SYNPO2L: variants seen among roughly 807,000 people sequenced by gnomAD.
The protein encoded by SYNPO2L is synaptopodin 2 like, also known as synaptopodin 2-like protein.
In SYNPO2L, 34 loss-of-function variants were observed where a neutral mutation model predicts 47.5. The observed-to-expected ratio is 0.72, with a 90% CI of 0.54 to 0.95. The LOEUF (loss-of-function observed/expected upper bound fraction) is 0.95, where lower values mean the gene tolerates loss of function less well. Ranked by LOEUF, SYNPO2L falls within the 40% of genes least tolerant of loss-of-function variation. The pLI, the probability that SYNPO2L is intolerant of heterozygous loss-of-function variation, is 0.00. For missense variants in SYNPO2L, 1,246 were observed against 1,282.0 expected (o/e 0.97, Z 0.43); for synonymous variants, 536 against 524.9 (o/e 1.02, Z -0.29).
intron 3 of SYNPO2L, chr10:73,650,055 A>G: frequency 1.0e-6 from 1 of 985,370 alleles, no homozygotes; most frequent in South Asian, 4.7e-5. Flanking sequence ...AGGGCTTTCC[A>G]TGCCATGTGG....
chr10:73,652,483 G>A (rs11000731), intron 3 of SYNPO2L, among the ~76,000 whole-genome samples: 18,270 of 151,778 alleles, frequency 0.12, 2,525 homozygotes, highest in African/African-American at 0.32. Context: ...AGCCTGACCA[G>A]TATGGTGAAA....
rs2081771843 is a variant in SYNPO2L, at chr10:73,647,425, C to A, written c.2227G>T (p.Ala743Ser). ...GGCTCAGGGATTCCAGCCGAAGAGG[C>A]TGCCCCATTCACGAGCCCATCAAGG... ...GLLDGLVNGAASSAGIPEPPR... is the reference protein window; with the variant it reads ...GLLDGLVNGASSSAGIPEPPR... Residue 743 changes from alanine to serine, a missense_variant, in exon 4 of 4, where the codon GCC becomes TCC. Transcript: ENST00000394810. 1 of 1,611,012 alleles carries A rather than the reference C, an allele frequency of 6.2e-7. No individual in the cohort carries two copies. The highest frequency in any genetic ancestry group is 8.5e-7 in the Non-Finnish European group (1 of 1,177,774).
intron 1 of SYNPO2L, 128 bp downstream of exon 1, chr10:73,655,690 G>GCCCCCCCCCCCCCCCCCCCTC: frequency 3.7e-6 from 1 of 271,704 alleles, no homozygotes; most frequent in Non-Finnish European, 7.4e-6. Context: ...ATACTTCCCT[G>GCCCCCCCCCCCCCCCCCCCTC]CCCACCACCC....
chr10:73,653,559 GA>G lies in SYNPO2L; in HGVS notation c.351del (p.Pro118GlnfsTer82). 1 of 1,552,146 alleles carries G rather than the reference GA, an allele frequency of 6.4e-7. No individual in the cohort carries two copies. Among genetic ancestry groups the G allele is most frequent in the South Asian group, 1.2e-5 (1 of 84,064 alleles). On this transcript the variant is annotated frameshift_variant, in exon 3 of 4. Coordinates refer to ENST00000394810, the MANE Select transcript of SYNPO2L (RefSeq NM_001114133.3). LOFTEE classifies it high-confidence loss of function. ...LSPLSPEPPGAPVPQPLQPGS... is the reference protein window; with the variant it reads ...LSPLSPEPPGXPVPQPLQPGS... ...CCAGGCTGAAGAGGCTGAGGAACTGGAGCACCAGGGGGCTCAGGACTTAGTG... is the reference window on the plus strand; with the variant it reads ...CCAGGCTGAAGAGGCTGAGGAACTGGGCACCAGGGGGCTCAGGACTTAGTG...
chr10:73,654,106 G>A, intron 2 of SYNPO2L, 23 bp downstream of exon 2: 3 of 1,546,622 alleles, frequency 1.9e-6, no homozygotes, highest in Non-Finnish European at 2.6e-6. Flanking sequence ...ATTAGGGGAA[G>A]AGAAGAGGAG....
rs1371397824 is a variant in SYNPO2L at position 73,645,626 on chromosome 10, G to A, written c.*1092C>T. 4.1e-6 allele frequency: 4 copies of A among 986,146 alleles called. No homozygotes were observed. Among genetic ancestry groups the A allele is most frequent in the Non-Finnish European group, 4.8e-6 (4 of 830,346 alleles). 61.1% of individuals were successfully genotyped at this position (986,146 alleles called of 1,614,324 possible). A position where few individuals can be genotyped will look rare whatever the true frequency, so the allele number is the denominator to read the frequency against. ...TCTTTGTTCTATTCCTGGTCTAGCT[G>A]GTATAACTCAGCCCATGCAAACTGT... On this transcript the variant is annotated 3_prime_UTR_variant, in exon 4 of 4. Transcript: ENST00000394810.
At position 73,647,607 on chromosome 10, in the gene SYNPO2L, T is replaced by G; in HGVS notation, c.2045A>C (p.Glu682Ala). The G allele has an allele frequency of 6.2e-7, 1 of 1,614,120 alleles. No individual in the cohort carries two copies. Among genetic ancestry groups the G allele is most frequent in the Non-Finnish European group, 8.5e-7 (1 of 1,180,008 alleles). ...PEEDALSLGAEACNFMQPVGA... is the reference protein window; with the variant it reads ...PEEDALSLGAAACNFMQPVGA... Reference sequence around the variant, plus strand: ...TACTGGCTGCATGAAGTTGCAGGCTTCAGCCCCGAGGCTCAGAGCATCTTC... The same window carrying G: ...TACTGGCTGCATGAAGTTGCAGGCTGCAGCCCCGAGGCTCAGAGCATCTTC... The change falls in exon 4 of 4, where the codon GAA becomes GCA. Residue 682 changes from glutamate to alanine, a missense_variant. By Grantham distance (107) the Glu-to-Ala change is moderately radical. Around this residue, in one of 3 missense-constraint regions of SYNPO2L, gnomAD observed 1,037 missense variants for 1,021.5 expected, o/e 1.02. Coordinates refer to ENST00000394810, the MANE Select transcript of SYNPO2L (RefSeq NM_001114133.3).
In SYNPO2L at chr10:73,644,912, ACAAAC is replaced by A. The variant is rs1344138731; in HGVS notation, c.*1801_*1805del. 2 of 955,700 alleles carry A rather than the reference ACAAAC, an allele frequency of 2.1e-6. No homozygotes were observed. The highest frequency in any genetic ancestry group is 9.6e-5 in the Admixed American group (2 of 20,916). 59.2% of individuals were successfully genotyped at this position (955,700 alleles called of 1,614,324 possible). On this transcript the variant is annotated 3_prime_UTR_variant, in exon 4 of 4. Transcript: ENST00000394810. ...ATGGGGCATAAATTTATTCTTGTGCACAAACCAAAGTATTGTGACTCACACCCAAC... is the reference window on the plus strand; with the variant it reads ...ATGGGGCATAAATTTATTCTTGTGCACAAAGTATTGTGACTCACACCCAAC...
In SYNPO2L at chr10:73,646,178, GCACACACACACACACACACACA is replaced by G. The variant is rs3219615; in HGVS notation, c.*518_*539del. 8 of 944,978 alleles carry G rather than the reference GCACACACACACACACACACACA, an allele frequency of 8.5e-6. No individual in the cohort carries two copies. Among genetic ancestry groups the G allele is most frequent in the Non-Finnish European group, 8.7e-6 (7 of 803,278 alleles). 58.5% of individuals were successfully genotyped at this position (944,978 alleles called of 1,614,324 possible). A position where few individuals can be genotyped will look rare whatever the true frequency, so the allele number is the denominator to read the frequency against. On this transcript the variant is annotated 3_prime_UTR_variant, in exon 4 of 4. Coordinates refer to ENST00000394810, the MANE Select transcript of SYNPO2L (RefSeq NM_001114133.3). ...TCTTATTCATGCCTTAGACGGAAGA[GCACACACACACACACACACACA>G]CACACACACACACACACAGGCCTAG...
chr10:73,646,571 T>C lies in SYNPO2L; in HGVS notation c.*147A>G. The C allele has an allele frequency of 7.7e-7, 1 of 1,297,204 alleles. No homozygotes were observed. The allele number at this position is 1,297,204 out of a possible 1,614,324, so 80.4% of individuals were successfully genotyped here. On this transcript the variant is annotated 3_prime_UTR_variant, in exon 4 of 4. Transcript: ENST00000394810. ...GGGAGGTAGAGAGTGAGGAGGAAGG[T>C]GGGGGAAGGGGACATCAACTTGGAA...
chr10:73,650,777 G>T lies in SYNPO2L; in HGVS notation c.773-1898C>A. 3.7e-6 allele frequency: 5 copies of T among 1,335,256 alleles called. No individual in the cohort carries two copies. In the South Asian group the frequency reaches 1.1e-4, roughly 30 times the overall value. 82.7% of individuals were successfully genotyped at this position (1,335,256 alleles called of 1,614,324 possible). ...GAAAGGGGCAGTGAAACTCTCCTGA[G>T]AAAAGGAGGAAGAGGACAGCAAAAA... On this transcript the variant is annotated intron_variant, in intron 3 of 3. Transcript: ENST00000394810.
chr10:73,645,357 T>C lies in SYNPO2L; in HGVS notation c.*1361A>G, dbSNP rs114598671. 7.7e-6 allele frequency: 8 copies of C among 1,044,652 alleles called. No individual in the cohort carries two copies. Among genetic ancestry groups the C allele is most frequent in the Non-Finnish European group, 9.2e-6 (8 of 867,454 alleles). 64.7% of individuals were successfully genotyped at this position (1,044,652 alleles called of 1,614,324 possible). ...TTTACCTTCTCCCAATATGGCATTG[T>C]CCCTCGCCACACTTCTGTCTGTGGC... On this transcript the variant is annotated 3_prime_UTR_variant, in exon 4 of 4. Coordinates refer to ENST00000394810, the MANE Select transcript of SYNPO2L (RefSeq NM_001114133.3).
Position 73,648,781 on chromosome 10 carries a change from G to T in SYNPO2L, c.871C>A (p.His291Asn), listed in dbSNP as rs200472636. ...TTAAACATAAGTACCCCTTTGGAGT[G>T]GGGGTTGGGGGCTGCAGTGAGCAGG... is the stretch of plus-strand genomic sequence containing the variant. ...ASLLTAAPNP[H>N]SKGVLMFKKR... The change falls in exon 4 of 4, where the codon CAC (histidine) becomes AAC (asparagine). Residue 291 changes from histidine (H) to asparagine (N), a missense_variant. By Grantham distance (68) the His-to-Asn change is moderately conservative. Transcript: ENST00000394810. 1 of 1,608,392 alleles carries T rather than the reference G, an allele frequency of 6.2e-7. No individual in the cohort carries two copies. The highest frequency in any genetic ancestry group is 8.5e-7 in the Non-Finnish European group (1 of 1,176,674).
At chr10:73,652,990 AATT>A in intron 3 of SYNPO2L, 146 bp downstream of exon 3, 1 of 973,336 alleles carries the variant, frequency 1.0e-6, no homozygotes, top group Non-Finnish European at 1.4e-6. Context: ...CCATGAGAAT[AATT>A]ATGCTCCCCT....
chr10:73,652,494 C>T (rs1002535213), intron 3 of SYNPO2L, among the ~76,000 whole-genome samples: 5 of 151,926 alleles, frequency 3.3e-5, no homozygotes, highest in African/African-American at 9.7e-5. Flanking sequence ...TATGGTGAAA[C>T]CCCATCTCTA....
chr10:73,646,986 C>T lies in SYNPO2L; in HGVS notation c.2666G>A (p.Arg889Gln), dbSNP rs1274978385. ...GGGCTGGGGTGCCGGAGTGGAAAAC[C>T]GGCGAATCTCCTGGACTCGGGCAGT... ...PKTARVQEIR[R>Q]FSTPAPQPTA... The change falls in exon 4 of 4, where the codon CGG becomes CAG. Residue 889 changes from arginine to glutamine, a missense_variant. By Grantham distance (43) the Arg-to-Gln change is conservative. Transcript: ENST00000394810. 4.3e-6 allele frequency: 7 copies of T among 1,612,548 alleles called. No individual in the cohort carries two copies. The highest frequency in any genetic ancestry group is 2.2e-5 in the South Asian group (2 of 90,960).
At chr10:73,653,691 G>A (rs916106731) in intron 2 of SYNPO2L, 38 bp from the exon 3 acceptor site, 139 of 1,502,866 alleles carry the variant, frequency 9.2e-5, no homozygotes, top group Non-Finnish European at 1.2e-4. Flanking sequence ...GAGATGGGCT[G>A]GGTACTGACA....
Position 73,645,541 on chromosome 10 carries a change from T to G in SYNPO2L, c.*1177A>C. On this transcript the variant is annotated 3_prime_UTR_variant, in exon 4 of 4. Transcript: ENST00000394810. ...TTTCTTTTTTTCATTTCCTGGGTAC[T>G]GGGTTGCTCAGCACTGGCCTCTCAA... is the stretch of plus-strand genomic sequence containing the variant. The G allele has an allele frequency of 1.0e-6, 1 of 994,340 alleles. No individual in the cohort carries two copies. Among genetic ancestry groups the G allele is most frequent in the South Asian group, 4.6e-5 (1 of 21,910 alleles). 61.6% of individuals were successfully genotyped at this position (994,340 alleles called of 1,614,324 possible).
Position 73,647,236 on chromosome 10 carries a change from G to C in SYNPO2L, c.2416C>G (p.Arg806Gly). 6.2e-7 allele frequency: 1 copy of C among 1,614,000 alleles called. No homozygotes were observed. The highest frequency in any genetic ancestry group is 8.5e-7 in the Non-Finnish European group (1 of 1,179,974). ...PPSWKYSPNI[R>G]APPPIAYNPL... ...TTGTAAGCAATAGGAGGCGGGGCACGGATGTTGGGTGAATATTTCCAGGAA... is the reference window on the plus strand; with the variant it reads ...TTGTAAGCAATAGGAGGCGGGGCACCGATGTTGGGTGAATATTTCCAGGAA... Residue 806 changes from arginine to glycine, a missense_variant, in exon 4 of 4, where the codon CGT becomes GGT. Physicochemically the swap from Arg to Gly is moderately radical, Grantham distance 125 (BLOSUM62 -2). This residue lies in a region of SYNPO2L where 1,037 missense variants were observed against 1,021.5 expected (regional missense o/e 1.02). Transcript: ENST00000394810.
Sources: allele counts gnomAD v4.1 joint callset (sites outside exome capture counted in the v4.1 genomes callset), GRCh38; gene constraint gnomAD v4.1.1; regional missense constraint gnomAD v4.1.1; transcripts MANE v1.5; gene names NCBI Gene and HGNC (gene_info 2026-07-23, HGNC 2026-07-21).